NAV3: variants seen among roughly 807,000 people sequenced by gnomAD.
NAV3 encodes the protein neuron navigator 3.
Under a neutral mutation model 244.7 loss-of-function variants are expected in NAV3, and 87 were observed. The ratio of observed to expected loss-of-function variants is 0.36; its 90% CI spans 0.30 to 0.42. The LOEUF (loss-of-function observed/expected upper bound fraction) is 0.42. Among genes scored for constraint, NAV3 ranks in the 20% least tolerant of loss-of-function variants. The probability of loss-of-function intolerance (pLI) is 1.00; values close to 1 mark genes in which losing one functional copy is unlikely to be tolerated. For synonymous variants in NAV3, 1,126 were observed against 1,042.2 expected (o/e 1.08, Z -1.55); for missense variants, 2,663 against 2,893.3 (o/e 0.92, Z 1.83).
intron 12 of NAV3, among the ~76,000 whole-genome samples, chr12:78,073,791 T>A (rs1035197243): frequency 6.6e-6 from 1 of 152,092 alleles, no homozygotes; most frequent in African/African-American, 2.4e-5. Flanking sequence ...CTTCAAACTA[T>A]ACTACAAGGC....
chr12:78,164,131 T>C (rs970322953), intron 23 of NAV3, among the ~76,000 whole-genome samples: 1 of 152,118 alleles, frequency 6.6e-6, no homozygotes, highest in African/African-American at 2.4e-5. Flanking sequence ...TCAAATTTAC[T>C]AAAGCTATAT....
At chr12:77,629,739 T>G (rs1244856680) in intron 2 of NAV3, among the ~76,000 whole-genome samples, 1 of 152,202 alleles carries the variant, frequency 6.6e-6, no homozygotes, top group Non-Finnish European at 1.5e-5. Flanking sequence ...TGTAAACTTT[T>G]GTACATTAGT....
intron 12 of NAV3, among the ~76,000 whole-genome samples, chr12:78,074,890 A>C (rs1593479811): frequency 6.6e-6 from 1 of 152,094 alleles, no homozygotes; most frequent in Non-Finnish European, 1.5e-5. Flanking sequence ...GTCCAACCCA[A>C]CTCTTGAAAT....
At chr12:78,075,951 G>T (rs1953028729) in intron 12 of NAV3, among the ~76,000 whole-genome samples, 1 of 152,168 alleles carries the variant, frequency 6.6e-6, no homozygotes, top group Non-Finnish European at 1.5e-5. Flanking sequence ...GATTGAACAG[G>T]TTAGGACATC....
intron 2 of NAV3, among the ~76,000 whole-genome samples, chr12:77,662,684 A>G (rs1397290921): frequency 1.3e-5 from 2 of 152,138 alleles, no homozygotes; most frequent in Non-Finnish European, 2.9e-5. Context: ...AACTTTATAA[A>G]AATGAGACTT....
intron 1 of NAV3, among the ~76,000 whole-genome samples, chr12:77,848,940 G>A (rs542703352): frequency 6.6e-6 from 1 of 152,244 alleles, no homozygotes; most frequent in African/African-American, 2.4e-5. Context: ...GATATGTGCT[G>A]TGTTTACCAG....
chr12:77,686,580 AATG>A (rs769581224), intron 2 of NAV3, among the ~76,000 whole-genome samples: 7 of 151,994 alleles, frequency 4.6e-5, no homozygotes, highest in Non-Finnish European at 7.4e-5. Flanking sequence ...AGCCTCAATC[AATG>A]ATGCATCCAT....
intron 2 of NAV3, among the ~76,000 whole-genome samples, chr12:77,758,028 A>G (rs1041318988): frequency 1.3e-5 from 2 of 152,144 alleles, no homozygotes; most frequent in Admixed American, 1.3e-4. Context: ...GGACTTCTTC[A>G]TGATCCAAAA....
intron 2 of NAV3, among the ~76,000 whole-genome samples, chr12:77,780,378 A>G (rs1240587245): frequency 1.3e-5 from 2 of 152,182 alleles, no homozygotes; most frequent in Non-Finnish European, 2.9e-5. Flanking sequence ...TCAACTTCCC[A>G]TTATTTTGAC....
In NAV3 at chr12:78,137,253, C is replaced by A. The variant is rs745708359; in HGVS notation, c.4518C>A (p.Asp1506Glu). The change falls in exon 19 of 40, where the codon GAC becomes GAA. Residue 1506 changes from aspartate to glutamate, a missense_variant. Coordinates refer to ENST00000397909, the MANE Select transcript of NAV3 (RefSeq NM_001024383.2). ...GCTCAAACAGCATCCCAGCCCAAGA[C>A]TCTTCCTTCGATCTCTATGATGACT... ...MMRSNSIPAQ[D>E]SSFDLYDDSQ... 1 of 1,613,822 alleles carries A rather than the reference C, an allele frequency of 6.2e-7. No individual in the cohort carries two copies. Among genetic ancestry groups the A allele is most frequent in the Admixed American group, 1.7e-5 (1 of 59,976 alleles).
chr12:77,989,739 G>A (rs1035533129), intron 5 of NAV3, among the ~76,000 whole-genome samples: 2 of 152,144 alleles, frequency 1.3e-5, no homozygotes, highest in African/African-American at 4.8e-5. Flanking sequence ...GAATGGTGAA[G>A]TTGCCTTATA....
At chr12:77,932,959 A>G (rs1242608203) in intron 1 of NAV3, among the ~76,000 whole-genome samples, 4 of 152,182 alleles carry the variant, frequency 2.6e-5, no homozygotes, top group Non-Finnish European at 4.4e-5. Flanking sequence ...TGCATGGAAT[A>G]TGCTTTCCCC....
At chr12:77,586,925 G>A (rs1279164653) in intron 2 of NAV3, among the ~76,000 whole-genome samples, 1 of 152,154 alleles carries the variant, frequency 6.6e-6, no homozygotes, top group Non-Finnish European at 1.5e-5. Context: ...GAGAATCAGA[G>A]TTTGATCAAT....
At chr12:78,184,991 A>AT (rs1375626896) in intron 30 of NAV3, among the ~76,000 whole-genome samples, 3 of 151,832 alleles carry the variant, frequency 2.0e-5, no homozygotes, top group Non-Finnish European at 4.4e-5. Flanking sequence ...TGTAACTCTT[A>AT]GCTGATTACT....
chr12:77,940,775 G>T (rs966336626), intron 2 of NAV3, among the ~76,000 whole-genome samples: 2 of 152,148 alleles, frequency 1.3e-5, no homozygotes, highest in Non-Finnish European at 2.9e-5. Context: ...GAGATGCCTT[G>T]AAACTGTATC....
chr12:77,883,069 A>G (rs1479556537), intron 1 of NAV3, among the ~76,000 whole-genome samples: 1 of 152,174 alleles, frequency 6.6e-6, no homozygotes, highest in East Asian at 1.9e-4. Flanking sequence ...ATTTTGACCC[A>G]GCAATTCTAT....
chr12:77,698,372 C>CTAT, intron 2 of NAV3, among the ~76,000 whole-genome samples: 1 of 152,088 alleles, frequency 6.6e-6, no homozygotes, highest in East Asian at 1.9e-4. Flanking sequence ...ATTATATCAC[C>CTAT]CATCACTGGA....
chr12:77,897,472 T>C (rs375198183), intron 1 of NAV3, among the ~76,000 whole-genome samples: 9 of 152,324 alleles, frequency 5.9e-5, no homozygotes, highest in African/African-American at 2.2e-4. Context: ...CTTTTTGATA[T>C]TTCCTATATC....
chr12:77,669,954 A>C (rs1317972341), intron 2 of NAV3, among the ~76,000 whole-genome samples: 1 of 152,170 alleles, frequency 6.6e-6, no homozygotes, highest in Non-Finnish European at 1.5e-5. Context: ...AGATCAGAGC[A>C]GAATTAAATG....
Sources: allele counts gnomAD v4.1 joint callset (sites outside exome capture counted in the v4.1 genomes callset), GRCh38; gene constraint gnomAD v4.1.1; transcripts MANE v1.5; gene names NCBI Gene and HGNC (gene_info 2026-07-23, HGNC 2026-07-21).